The following RUFY4 variants were observed in gnomAD, a reference collection of about 807,000 sequenced individuals.
RUFY4 encodes RUN and FYVE domain containing 4.
RUFY4 carries 73 observed loss-of-function variants against 69.0 expected under a neutral mutation model. The ratio of observed to expected loss-of-function variants is 1.06; its 90% CI spans 0.88 to 1.29. The LOEUF (loss-of-function observed/expected upper bound fraction) is 1.29, where lower values mean the gene tolerates loss of function less well. Ranked by LOEUF, RUFY4 falls within the 50% of genes most tolerant of loss-of-function variation. RUFY4 has a pLI of 0.00. For missense variants in RUFY4, 770 were observed against 705.6 expected, an observed-to-expected ratio of 1.09 and a Z score of -1.03; for synonymous variants, 287 against 271.8, an observed-to-expected ratio of 1.06 and a Z score of -0.55.
intron 2 of RUFY4, among the ~76,000 whole-genome samples, chr2:218,058,196 T>G (rs2106035673): frequency 1.3e-5 from 2 of 152,370 alleles, no homozygotes; most frequent in South Asian, 4.1e-4. Context: ...CTCCACTCTG[T>G]GCACTGGGTC....
At chr2:218,070,948 C>A (rs1689471504) in intron 2 of RUFY4, 89 bp downstream of exon 4, 10 of 964,630 alleles carry the variant, frequency 1.0e-5, no homozygotes, top group African/African-American at 8.1e-5. Context: ...GGAGCCACAG[C>A]CCCCTTCCTT....
chr2:218,049,882 A>G (rs967170369), intron 2 of RUFY4, among the ~76,000 whole-genome samples: 8 of 152,162 alleles, frequency 5.3e-5, no homozygotes, highest in Non-Finnish European at 7.3e-5. Context: ...TCTTATTTGA[A>G]TTGAATCTGC....
chr2:218,055,102 A>T (rs1689031933), intron 2 of RUFY4, among the ~76,000 whole-genome samples: 1 of 152,230 alleles, frequency 6.6e-6, no homozygotes, highest in Non-Finnish European at 1.5e-5. Flanking sequence ...AATAATAAGA[A>T]GAAGATACAA....
chr2:218,050,972 A>G lies in RUFY4; in HGVS notation c.-1157-7623A>G, dbSNP rs557919836. On this transcript the variant is annotated intron_variant and NMD_transcript_variant, in intron 2 of 13. Transcript: ENST00000457754. ...TATACATAAAGTTTTCATGTAATTT[A>G]AAATCTTGAAGTTATGTTAAAGTAA... Among the ~76,000 whole-genome samples the G allele has an allele frequency of 8.5e-5, 13 of 152,360 alleles. No homozygotes were observed. In the East Asian group the frequency reaches 1.9e-3, roughly 23 times the overall value.
rs1405457542 is a variant in RUFY4, at chr2:218,073,167, TG to T, written c.387-72del. 4 of 1,317,058 alleles carry T rather than the reference TG, an allele frequency of 3.0e-6. No individual in the cohort carries two copies. In the African/African-American group the frequency reaches 8.2e-5, roughly 27 times the overall value. 81.6% of individuals were successfully genotyped at this position (1,317,058 alleles called of 1,614,324 possible). On this transcript the variant is annotated intron_variant, in intron 4 of 10. Transcript: ENST00000344321. ...GGAGGCTGCTTTGTTGAGGTTGAGC[TG>T]GGGTGGGGGTGGTTGGGGCAGGGGG...
upstream of RUFY4, among the ~76,000 whole-genome samples, chr2:218,066,432 C>T (rs1689333165): frequency 6.6e-6 from 1 of 152,182 alleles, no homozygotes; most frequent in South Asian, 2.1e-4. Context: ...GCCTCAGCCT[C>T]CCAAAGTGCT....
At chr2:218,072,534 G>A (rs1689513342) in intron 3 of RUFY4, 35 bp downstream of exon 5, 6 of 1,534,536 alleles carry the variant, frequency 3.9e-6, no homozygotes, top group Non-Finnish European at 4.4e-6. Flanking sequence ...GGCTGACGGG[G>A]TGGGGGTAGA....
intron 3 of RUFY4, among the ~76,000 whole-genome samples, chr2:218,061,771 T>C (rs976580905): frequency 2.6e-5 from 4 of 152,192 alleles, no homozygotes; most frequent in African/African-American, 9.7e-5. Context: ...CCCTCAGTGG[T>C]GAGCACCTTC....
At chr2:218,039,699 C>G (rs115479509) in intron 2 of RUFY4, among the ~76,000 whole-genome samples, 2,769 of 152,274 alleles carry the variant, frequency 0.018, 31 homozygotes, top group South Asian at 0.031. Flanking sequence ...TGACCTTGAC[C>G]CCAGCTCTTC....
intron 3 of RUFY4, chr2:218,059,547 T>C (rs939990809): frequency 6.0e-6 from 1 of 167,014 alleles, no homozygotes; most frequent in Non-Finnish European, 1.5e-5. Context: ...TCTGGCTTAT[T>C]TCACTTAGCA....
intron 2 of RUFY4, among the ~76,000 whole-genome samples, chr2:218,055,109 A>G (rs1343003708): frequency 1.3e-5 from 2 of 152,218 alleles, no homozygotes; most frequent in Non-Finnish European, 2.9e-5. Flanking sequence ...AGAAGAAGAT[A>G]CAAGGCGAAG....
chr2:218,052,872 A>C (rs886330330), intron 2 of RUFY4, among the ~76,000 whole-genome samples: 17 of 150,100 alleles, frequency 1.1e-4, no homozygotes, highest in African/African-American at 3.9e-4. Flanking sequence ...AACATTTTAT[A>C]TTTACTCTTA....
At chr2:218,075,533 G>A in exon 7 of RUFY4, 2 of 1,550,116 alleles carry the variant, frequency 1.3e-6, no homozygotes, top group Non-Finnish European at 1.7e-6. Context: ...GGCTGCTGAT[G>A]CCCAGCCCCA....
intron 9 of RUFY4, 112 bp from the exon 12 acceptor site, chr2:218,089,140 T>A: frequency 1.3e-6 from 1 of 777,384 alleles, no homozygotes; most frequent in Non-Finnish European, 2.1e-6. Context: ...TCTCTCTTCC[T>A]CTCTGTGTGA....
chr2:218,070,756 C>T, exon 2 of RUFY4: 2 of 1,536,808 alleles, frequency 1.3e-6, no homozygotes, highest in African/African-American at 2.7e-5. Flanking sequence ...CCAGCAGCTG[C>T]CGTCTCTGCC....
chr2:218,057,798 G>C (rs1689095169), intron 2 of RUFY4, among the ~76,000 whole-genome samples: 1 of 152,238 alleles, frequency 6.6e-6, no homozygotes, highest in Admixed American at 6.5e-5. Context: ...ATGTGGTTCT[G>C]TTCTGGCTTC....
intron 2 of RUFY4, among the ~76,000 whole-genome samples, chr2:218,035,836 A>C (rs1077363): frequency 0.56 from 84,770 of 152,160 alleles, 25,648 homozygotes; most frequent in African/African-American, 0.78. Flanking sequence ...TACTTCTGCA[A>C]CCTCTCCTCA....
At chr2:218,090,192 A>T in exon 11 of RUFY4, 1 of 466,406 alleles carries the variant, frequency 2.1e-6, no homozygotes. Flanking sequence ...AGGCACCAGC[A>T]CTTCTGTGGG....
intron 6 of RUFY4, 78 bp downstream of exon 8, chr2:218,073,963 T>C (rs778750456): frequency 2.8e-6 from 4 of 1,408,710 alleles, no homozygotes; most frequent in Non-Finnish European, 4.0e-6. Context: ...GAAACTGAGC[T>C]TCCCCCTCCG....
Sources: allele counts gnomAD v4.1 joint callset (sites outside exome capture counted in the v4.1 genomes callset), GRCh38; gene constraint gnomAD v4.1.1; transcripts MANE v1.5; gene names NCBI Gene and HGNC (gene_info 2026-07-23, HGNC 2026-07-21).